The following VWA8 variants were observed in gnomAD, a reference collection of about 807,000 sequenced individuals.
VWA8 encodes the protein von Willebrand factor A domain-containing protein 8.
Under a neutral mutation model 241.5 loss-of-function variants are expected in VWA8, and 221 were observed. The observed-to-expected ratio is 0.91, with a 90% CI of 0.82 to 1.02. The LOEUF (loss-of-function observed/expected upper bound fraction) is 1.02. VWA8 is among the 50% of genes least tolerant of loss of function. VWA8 has a pLI of 0.00. For missense variants in VWA8, 2,322 were observed against 2,328.7 expected (o/e 1.00, Z 0.06); for synonymous variants, 852 against 827.1 (o/e 1.03, Z -0.52).
chr13:41,769,279 T>A (rs900085768), intron 20 of VWA8, among the ~76,000 whole-genome samples: 1 of 152,202 alleles, frequency 6.6e-6, no homozygotes, highest in Non-Finnish European at 1.5e-5. Flanking sequence ...TATTGTTAAT[T>A]TGTTAGGTGT....
chr13:41,751,953 ATACT>A (rs1416181366), intron 21 of VWA8, among the ~76,000 whole-genome samples: 1 of 152,198 alleles, frequency 6.6e-6, no homozygotes, highest in African/African-American at 2.4e-5. Flanking sequence ...ATTTAAACAA[ATACT>A]TACTGGACAT....
chr13:41,706,251 T>C (rs1228197706), intron 26 of VWA8, among the ~76,000 whole-genome samples: 1 of 152,240 alleles, frequency 6.6e-6, no homozygotes, highest in Non-Finnish European at 1.5e-5. Flanking sequence ...GGAAATTATA[T>C]GTTGTCTGGC....
At chr13:41,587,728 T>G in intron 41 of VWA8, 58 bp from the exon 42 acceptor site, 1 of 1,597,320 alleles carries the variant, frequency 6.3e-7, no homozygotes, top group Non-Finnish European at 8.5e-7. Context: ...CCCTGGTGGC[T>G]GTCTTGGGGA....
intron 42 of VWA8, 48 bp from the exon 43 acceptor site, chr13:41,575,886 A>ACAGT: frequency 7.2e-7 from 1 of 1,379,438 alleles, no homozygotes; most frequent in African/African-American, 1.4e-5. Context: ...CCACAAAAGA[A>ACAGT]CAGTCATTAG....
intron 42 of VWA8, among the ~76,000 whole-genome samples, chr13:41,582,120 T>C (rs781185461): frequency 2.6e-5 from 4 of 152,134 alleles, no homozygotes; most frequent in African/African-American, 7.2e-5. Context: ...TTCCCGGGAA[T>C]AGCTGAATTC....
chr13:41,893,642 T>C (rs1874957579), intron 4 of VWA8, among the ~76,000 whole-genome samples: 1 of 152,148 alleles, frequency 6.6e-6, no homozygotes. Flanking sequence ...TCTCAGCATT[T>C]TGGGAGGCTG....
intron 12 of VWA8, among the ~76,000 whole-genome samples, chr13:41,863,455 TCACA>T (rs150069827): frequency 2.3e-5 from 2 of 87,152 alleles, no homozygotes; most frequent in Non-Finnish European, 4.8e-5. Flanking sequence ...ATATATATAT[TCACA>T]CACACACACA....
chr13:41,634,708 G>GAAAA (rs34688799), intron 37 of VWA8, among the ~76,000 whole-genome samples: 1 of 144,724 alleles, frequency 6.9e-6, no homozygotes, highest in African/African-American at 2.5e-5. Flanking sequence ...TCTTCAAAGT[G>GAAAA]AAAAAAAAAA....
At chr13:41,742,447 C>G (rs2045576140) in intron 21 of VWA8, among the ~76,000 whole-genome samples, 1 of 152,126 alleles carries the variant, frequency 6.6e-6, no homozygotes, top group Non-Finnish European at 1.5e-5. Flanking sequence ...AGGTACAATA[C>G]CAGAGCCTGT....
intron 17 of VWA8, among the ~76,000 whole-genome samples, chr13:41,800,508 G>A (rs1188200594): frequency 1.3e-5 from 2 of 151,926 alleles, no homozygotes; most frequent in Admixed American, 6.6e-5. Flanking sequence ...AATATTTGTG[G>A]CCAGGCATGC....
At chr13:41,689,262 G>T in intron 34 of VWA8, 92 bp downstream of exon 34, 1 of 1,330,510 alleles carries the variant, frequency 7.5e-7, no homozygotes. Flanking sequence ...AGGAAATTAT[G>T]TTTTTAATTA....
At chr13:41,764,706 T>C (rs1014371015) in intron 20 of VWA8, among the ~76,000 whole-genome samples, 2 of 152,028 alleles carry the variant, frequency 1.3e-5, no homozygotes, top group Non-Finnish European at 2.9e-5. Context: ...TGGACAGGTA[T>C]GCAAGAAGTC....
At chr13:41,908,830 G>T (rs1398294026) in intron 3 of VWA8, among the ~76,000 whole-genome samples, 1 of 152,084 alleles carries the variant, frequency 6.6e-6, no homozygotes, top group Non-Finnish European at 1.5e-5. Context: ...CACACAATAA[G>T]TTTTTACTAA....
intron 41 of VWA8, 37 bp from the exon 42 acceptor site, chr13:41,587,707 T>C (rs1222934538): frequency 6.2e-7 from 1 of 1,609,678 alleles, no homozygotes; most frequent in African/African-American, 1.3e-5. Context: ...GTTTGTGAAC[T>C]GGCAAACTTC....
At chr13:41,718,682 T>C (rs868473800) in intron 26 of VWA8, among the ~76,000 whole-genome samples, 13 of 151,412 alleles carry the variant, frequency 8.6e-5, no homozygotes, top group African/African-American at 2.7e-4. Flanking sequence ...TATGGATGAG[T>C]ATACACTTTG....
intron 12 of VWA8, among the ~76,000 whole-genome samples, chr13:41,862,507 C>T (rs1873050351): frequency 6.6e-6 from 1 of 152,182 alleles, no homozygotes; most frequent in Non-Finnish European, 1.5e-5. Context: ...AGTAAGCAGA[C>T]AACCTCCAGA....
chr13:41,588,076 C>G (rs1270367842), intron 41 of VWA8, among the ~76,000 whole-genome samples: 1 of 152,156 alleles, frequency 6.6e-6, no homozygotes, highest in African/African-American at 2.4e-5. Flanking sequence ...TGGAGGGAAG[C>G]CCATGTCAAT....
At position 41,822,091 on chromosome 13, in the gene VWA8, G is replaced by A. The variant is rs549291307; in HGVS notation, c.1701-2705C>T. ...GATTCATTATCTTGATATTGGTGAT[G>A]GTTTCATGGGTATTTATAAATATTA... is the stretch of plus-strand genomic sequence containing the variant. On this transcript the variant is annotated intron_variant, in intron 14 of 44. Coordinates refer to ENST00000379310, the MANE Select transcript of VWA8 (RefSeq NM_015058.2). Among the ~76,000 whole-genome samples, 57 of 152,092 alleles carry A rather than the reference G, an allele frequency of 3.7e-4. 1 individual carries two copies. The South Asian group carries it at 0.012, about 32-fold the overall frequency.
At chr13:41,721,867 T>G (rs1859090941) in intron 24 of VWA8, among the ~76,000 whole-genome samples, 1 of 152,196 alleles carries the variant, frequency 6.6e-6, no homozygotes, top group African/African-American at 2.4e-5. Flanking sequence ...AATTCTCCTT[T>G]AAGTCTATGC....
Sources: gnomAD v4.1 joint callset for allele counts (sites outside exome capture counted in the v4.1 genomes callset) on GRCh38, gnomAD v4.1.1 for gene constraint, MANE v1.5 for transcripts, NCBI Gene and HGNC (gene_info 2026-07-23, HGNC 2026-07-21) for gene names.